HIVEP3: variants seen among roughly 807,000 people sequenced by gnomAD.
HIVEP3 encodes the protein HIVEP zinc finger 3.
HIVEP3 carries 49 observed loss-of-function variants against 152.8 expected under a neutral mutation model. The ratio of observed to expected loss-of-function variants is 0.32; its 90% CI spans 0.26 to 0.41. The LOEUF is 0.41. Among genes scored for constraint, HIVEP3 ranks in the 10% least tolerant of loss-of-function variants. The pLI, the probability that HIVEP3 is intolerant of heterozygous loss-of-function variation, is 1.00. For missense variants in HIVEP3, 2,790 were observed against 3,103.3 expected, an observed-to-expected ratio of 0.90 and a Z score of 2.40; for synonymous variants, 1,269 against 1,289.0, an observed-to-expected ratio of 0.98 and a Z score of 0.33.
At chr1:41,995,187 C>G (rs1210640381) in intron 1 of HIVEP3, among the ~76,000 whole-genome samples, 1 of 151,706 alleles carries the variant, frequency 6.6e-6, no homozygotes, top group African/African-American at 2.4e-5. Context: ...CCCAATCGCA[C>G]TAAGTGGAAG....
intron 1 of HIVEP3, among the ~76,000 whole-genome samples, chr1:41,979,044 C>T (rs1402771483): frequency 1.3e-5 from 2 of 152,170 alleles, no homozygotes; most frequent in East Asian, 3.9e-4. Context: ...CCCCTGCTTT[C>T]ACCTGAGGTT....
intron 6 of HIVEP3, 98 bp downstream of exon 6, chr1:41,524,637 C>A: frequency 8.6e-7 from 1 of 1,163,002 alleles, no homozygotes. Flanking sequence ...TCCAGGCCCC[C>A]TGCAAAGAGG....
At chr1:41,824,398 T>C (rs1266956996) in intron 1 of HIVEP3, among the ~76,000 whole-genome samples, 3 of 152,164 alleles carry the variant, frequency 2.0e-5, no homozygotes, top group Non-Finnish European at 4.4e-5. Flanking sequence ...CATTTTGCAA[T>C]TTAATAATAA....
chr1:41,649,150 G>T (rs917361637), intron 2 of HIVEP3, among the ~76,000 whole-genome samples: 2 of 152,238 alleles, frequency 1.3e-5, no homozygotes, highest in Non-Finnish European at 2.9e-5. Flanking sequence ...TAGAGTCCCA[G>T]TTCTGATGCT....
At chr1:41,937,832 T>C (rs547093508) in intron 1 of HIVEP3, among the ~76,000 whole-genome samples, 14 of 152,192 alleles carry the variant, frequency 9.2e-5, no homozygotes, top group Non-Finnish European at 1.9e-4. Context: ...AACTGGTGCA[T>C]TGTATATGTA....
chr1:41,592,471 AAGC>A (rs1428161661), intron 3 of HIVEP3, among the ~76,000 whole-genome samples: 2 of 152,214 alleles, frequency 1.3e-5, no homozygotes, highest in African/African-American at 4.8e-5. Context: ...TATTGACCTT[AAGC>A]TGAGGAGAAT....
At chr1:41,924,550 C>T (rs924960309) in intron 1 of HIVEP3, among the ~76,000 whole-genome samples, 3 of 152,090 alleles carry the variant, frequency 2.0e-5, no homozygotes, top group Non-Finnish European at 4.4e-5. Flanking sequence ...TGTTACGGCC[C>T]TACCACTTAG....
intron 5 of HIVEP3, among the ~76,000 whole-genome samples, chr1:41,545,012 CACCACTACCACCACCACCACCACCAAT>C: frequency 9.2e-6 from 1 of 108,734 alleles, no homozygotes; most frequent in Non-Finnish European, 2.1e-5. Context: ...TCACCACCAC[CACCACTACCACCACCACCACCACCAAT>C]ACCACTACCA....
intron 5 of HIVEP3, among the ~76,000 whole-genome samples, chr1:41,575,165 A>T (rs1160397306): frequency 6.6e-6 from 1 of 152,204 alleles, no homozygotes; most frequent in Non-Finnish European, 1.5e-5. Context: ...GGCAGTACAG[A>T]GATGACTTTT....
At chr1:41,689,846 A>C (rs901688529) in intron 2 of HIVEP3, among the ~76,000 whole-genome samples, 1 of 152,376 alleles carries the variant, frequency 6.6e-6, no homozygotes, top group Non-Finnish European at 1.5e-5. Flanking sequence ...GGGGTGCTTC[A>C]GAAGCCACAG....
chr1:41,526,618 CCT>C (rs1201766506), intron 5 of HIVEP3, among the ~76,000 whole-genome samples: 86 of 9,550 alleles, frequency 9.0e-3, no homozygotes, highest in African/African-American at 0.013. Context: ...CCCACCCCCA[CCT>C]TCACCCTCAC....
chr1:41,994,140 T>TA lies in HIVEP3; in HGVS notation n.119+41666dup, dbSNP rs1158510800. ...CAATGTGCACATGTACCCTAAAACTTAAAGTATAATAATAAAAGAAAAAAA... is the reference window on the plus strand; with the variant it reads ...CAATGTGCACATGTACCCTAAAACTTAAAAGTATAATAATAAAAGAAAAAAA... On this transcript the variant is annotated intron_variant and non_coding_transcript_variant, in intron 1 of 3. Transcript: ENST00000489103. 2.9e-4 allele frequency among the ~76,000 whole-genome samples: 43 copies of TA among 150,314 alleles called. No homozygotes were observed. In the South Asian group the frequency reaches 8.2e-3, roughly 29 times the overall value.
intron 1 of HIVEP3, among the ~76,000 whole-genome samples, chr1:41,973,250 T>G (rs879282687): frequency 6.6e-6 from 1 of 152,246 alleles, no homozygotes; most frequent in Non-Finnish European, 1.5e-5. Context: ...TGTGGGGTCA[T>G]GAAGCCAGGC....
chr1:41,773,336 C>A (rs1241736168), intron 1 of HIVEP3, among the ~76,000 whole-genome samples: 1 of 152,202 alleles, frequency 6.6e-6, no homozygotes, highest in Non-Finnish European at 1.5e-5. Flanking sequence ...GGCTGCCTTT[C>A]CTCATCTGCA....
chr1:41,986,780 G>T (rs1645326397), intron 1 of HIVEP3, among the ~76,000 whole-genome samples: 1 of 152,106 alleles, frequency 6.6e-6, no homozygotes, highest in Admixed American at 6.5e-5. Context: ...ATTAATTGCT[G>T]CCCATTTCAT....
intron 5 of HIVEP3, among the ~76,000 whole-genome samples, chr1:41,526,438 G>A (rs576194532): frequency 5.1e-4 from 26 of 51,346 alleles, no homozygotes; most frequent in Admixed American, 2.3e-3. Flanking sequence ...ACCCTCATAC[G>A]CTCACCCTCA....
intron 1 of HIVEP3, among the ~76,000 whole-genome samples, chr1:41,938,145 C>T (rs1645028575): frequency 6.6e-6 from 1 of 152,114 alleles, no homozygotes; most frequent in Non-Finnish European, 1.5e-5. Flanking sequence ...ATTTAAATGC[C>T]ATCTCCTCAG....
Position 41,626,419 on chromosome 1 carries a change from T to C in HIVEP3, c.-522+2330A>G, listed in dbSNP as rs562133723. ...CTGGAACTGACAGCTCATTTCCCTCTGGGCAAGTCCCATACTCTACAGATT... is the reference window on the plus strand; with the variant it reads ...CTGGAACTGACAGCTCATTTCCCTCCGGGCAAGTCCCATACTCTACAGATT... On this transcript the variant is annotated intron_variant, in intron 3 of 8. Coordinates refer to ENST00000372583, the MANE Select transcript of HIVEP3 (RefSeq NM_024503.5). Among the ~76,000 whole-genome samples, 175 of 152,264 alleles carry C rather than the reference T, an allele frequency of 1.1e-3. 2 individuals are homozygous for C. The highest frequency in any genetic ancestry group is 4.0e-3 in the African/African-American group (168 of 41,558).
At chr1:41,857,985 C>CAA (rs1001582543) in intron 1 of HIVEP3, among the ~76,000 whole-genome samples, 2 of 150,806 alleles carry the variant, frequency 1.3e-5, no homozygotes, top group Non-Finnish European at 3.0e-5. Flanking sequence ...ATCAATCAAT[C>CAA]TCTCTCTCTC....
Sources: gnomAD v4.1 joint callset for allele counts (sites outside exome capture counted in the v4.1 genomes callset) on GRCh38, gnomAD v4.1.1 for gene constraint, MANE v1.5 for transcripts, NCBI Gene and HGNC (gene_info 2026-07-23, HGNC 2026-07-21) for gene names.